Variants in ZNHIT6 observed in about 807,000 individuals in gnomAD.
The protein encoded by ZNHIT6 is box C/D snoRNA protein 1.
ZNHIT6 carries 45 observed loss-of-function variants against 57.2 expected under a neutral mutation model. That is an observed-to-expected ratio of 0.79 (90% CI 0.62 to 1.01). ZNHIT6 has a LOEUF of 1.01. Among genes scored for constraint, ZNHIT6 ranks in the 50% least tolerant of loss-of-function variants. The pLI is 0.00. For missense variants in ZNHIT6, 528 were observed against 567.3 expected (o/e 0.93, Z 0.70); for synonymous variants, 188 against 190.0 (o/e 0.99, Z 0.09).
chr1:85,662,151 G>C (rs1467368060), intron 8 of ZNHIT6, among the ~76,000 whole-genome samples: 1 of 72,178 alleles, frequency 1.4e-5, no homozygotes, highest in Non-Finnish European at 3.2e-5. Flanking sequence ...AAATTAGTGT[G>C]CTTTAAAAAA....
chr1:85,689,041 T>C (rs1662141832), intron 5 of ZNHIT6, among the ~76,000 whole-genome samples: 1 of 152,218 alleles, frequency 6.6e-6, no homozygotes, highest in South Asian at 2.1e-4. Flanking sequence ...ACATTTCTGC[T>C]ATGTTTCTCT....
chr1:85,671,055 A>G (rs1044911117), intron 8 of ZNHIT6, among the ~76,000 whole-genome samples: 3 of 152,226 alleles, frequency 2.0e-5, no homozygotes, highest in Non-Finnish European at 2.9e-5. Flanking sequence ...GTAAATGAAG[A>G]TAGCTGGAAA....
At position 85,708,216 on chromosome 1, in the gene ZNHIT6, C is replaced by A. The variant is rs1662751587; in HGVS notation, c.69G>T (p.Arg23=). 1.2e-6 allele frequency: 2 copies of A among 1,613,796 alleles called. No individual in the cohort carries two copies. Among genetic ancestry groups the A allele is most frequent in the African/African-American group, 2.7e-5 (2 of 74,922 alleles). Residue 23 remains arginine, a synonymous_variant, in exon 1 of 10, where the codon CGG becomes CGT. Transcript: ENST00000370574. ...CCTCCCTGCCAGGCTCTGGACTTAG[C>A]CGCACCCCCTCAGCTACGCTGTGGA... ...GGLHSVAEGV[R]LSPEPGREGV...
chr1:85,693,993 A>T (rs976637129), intron 5 of ZNHIT6, among the ~76,000 whole-genome samples: 1 of 152,180 alleles, frequency 6.6e-6, no homozygotes, highest in Non-Finnish European at 1.5e-5. Flanking sequence ...AAAAAACAAA[A>T]GTAAGAGTGA....
At chr1:85,667,961 A>AAAAAAAAAAAAAAAAGT in intron 8 of ZNHIT6, among the ~76,000 whole-genome samples, 1 of 18,202 alleles carries the variant, frequency 5.5e-5, no homozygotes, top group Admixed American at 6.7e-4. Flanking sequence ...AAAAAAAAAA[A>AAAAAAAAAAAAAAAAGT]ATATATATAT....
intron 6 of ZNHIT6, 29 bp downstream of exon 6, chr1:85,680,807 A>G: frequency 6.4e-7 from 1 of 1,563,278 alleles, no homozygotes; most frequent in Non-Finnish European, 8.8e-7. Flanking sequence ...AATTAAAACA[A>G]ATCAGTGATT....
rs970099658 is a variant in ZNHIT6, at chr1:85,678,845, A to C, written c.1089-64T>G. The C allele has an allele frequency of 5.6e-6, 5 of 886,326 alleles. No homozygotes were observed. In the African/African-American group the frequency reaches 7.2e-5, roughly 13 times the overall value. The allele number at this position is 886,326 out of a possible 1,614,324, so 54.9% of individuals were successfully genotyped here. ...TTATAATTTTCTACTAAAGGTGTTA[A>C]TTTTGAATTATTAAATATTGTGGCT... On this transcript the variant is annotated intron_variant, in intron 6 of 9. Transcript: ENST00000370574.
intron 4 of ZNHIT6, among the ~76,000 whole-genome samples, chr1:85,705,470 C>T (rs1273644095): frequency 1.3e-5 from 2 of 152,176 alleles, no homozygotes; most frequent in Non-Finnish European, 2.9e-5. Context: ...CTGGCCTCAG[C>T]CTCCCAAAGT....
At chr1:85,705,992 T>G (rs770235194) in intron 4 of ZNHIT6, 86 bp downstream of exon 4, 8 of 1,086,742 alleles carry the variant, frequency 7.4e-6, no homozygotes, top group Non-Finnish European at 1.1e-5. Context: ...GGTAGCCACT[T>G]AATATATTTG....
rs1179295935 is a variant in ZNHIT6, at chr1:85,652,239, A to G, written c.*1819T>C. The G allele has an allele frequency of 2.6e-5, 4 of 152,182 alleles. No homozygotes were observed. The highest frequency in any genetic ancestry group is 4.4e-5 in the Non-Finnish European group (3 of 68,022). The allele number at this position is 152,182 out of a possible 1,614,324, so 9.4% of individuals were successfully genotyped here. ...CCACCCTCATATTCAGATCATATTC[A>G]GATCGCAAGTTCTTTTTGTATACGT... On this transcript the variant is annotated 3_prime_UTR_variant, in exon 10 of 10. Coordinates refer to ENST00000370574, the MANE Select transcript of ZNHIT6 (RefSeq NM_017953.4).
chr1:85,667,941 CTCTT>C (rs1439722847), intron 8 of ZNHIT6, among the ~76,000 whole-genome samples: 1 of 4,884 alleles, frequency 2.0e-4, no homozygotes, highest in African/African-American at 5.1e-4. Flanking sequence ...CACTCACTCT[CTCTT>C]TCAAAAAAAA....
intron 1 of ZNHIT6, 42 bp from the exon 2 acceptor site, chr1:85,706,549 T>C: frequency 6.9e-7 from 1 of 1,450,358 alleles, no homozygotes; most frequent in Non-Finnish European, 9.2e-7. Context: ...CAAATATTAA[T>C]TGTATTTATT....
intron 4 of ZNHIT6, among the ~76,000 whole-genome samples, chr1:85,703,452 C>T (rs904021288): frequency 6.6e-6 from 1 of 152,010 alleles, no homozygotes; most frequent in Admixed American, 6.5e-5. Flanking sequence ...AGTAGGCCAA[C>T]AGAATGGAAA....
At chr1:85,665,395 G>C (rs969691281) in intron 8 of ZNHIT6, among the ~76,000 whole-genome samples, 2 of 152,050 alleles carry the variant, frequency 1.3e-5, no homozygotes, top group Non-Finnish European at 2.9e-5. Flanking sequence ...AAAGTGTTGG[G>C]ATTACAACAG....
intron 5 of ZNHIT6, among the ~76,000 whole-genome samples, chr1:85,697,592 C>T (rs1662412848): frequency 6.6e-6 from 1 of 152,154 alleles, no homozygotes; most frequent in Admixed American, 6.5e-5. Context: ...TCTAGGCCAA[C>T]ACCATAAAAC....
At chr1:85,660,510 A>T (rs821390) in intron 8 of ZNHIT6, among the ~76,000 whole-genome samples, 1 of 152,042 alleles carries the variant, frequency 6.6e-6, no homozygotes, top group African/African-American at 2.4e-5. Flanking sequence ...AGAGTTCTTC[A>T]AAGGCCACAT....
chr1:85,680,725 T>C, intron 6 of ZNHIT6, 111 bp downstream of exon 6: 1 of 725,206 alleles, frequency 1.4e-6, no homozygotes, highest in Non-Finnish European at 2.3e-6. Flanking sequence ...ATTGTATAAA[T>C]ACACCACAAT....
chr1:85,671,333 G>A (rs1661552153), intron 8 of ZNHIT6, among the ~76,000 whole-genome samples: 1 of 152,004 alleles, frequency 6.6e-6, no homozygotes, highest in African/African-American at 2.4e-5. Context: ...GCATGCCTAG[G>A]GCCTCAGCTA....
chr1:85,677,162 G>A, intron 8 of ZNHIT6, 74 bp downstream of exon 8: 1 of 1,082,464 alleles, frequency 9.2e-7, no homozygotes, highest in African/African-American at 1.6e-5. Flanking sequence ...TTAATAACTT[G>A]AGCTAATCAA....
Sources: gnomAD v4.1 joint callset for allele counts (sites outside exome capture counted in the v4.1 genomes callset) on GRCh38, gnomAD v4.1.1 for gene constraint, MANE v1.5 for transcripts, NCBI Gene and HGNC (gene_info 2026-07-23, HGNC 2026-07-21) for gene names.